The following ZFYVE28 variants were observed in gnomAD, a reference collection of about 807,000 sequenced individuals.
The protein encoded by ZFYVE28 is lateral signaling target protein 2 homolog.
Under a neutral mutation model 82.1 loss-of-function variants are expected in ZFYVE28, and 40 were observed. The ratio of observed to expected loss-of-function variants is 0.49; its 90% CI spans 0.38 to 0.63. The LOEUF is 0.63. Ranked by LOEUF, ZFYVE28 falls within the 30% of genes least tolerant of loss-of-function variation. The pLI, the probability that ZFYVE28 is intolerant of heterozygous loss-of-function variation, is 0.00. For missense variants in ZFYVE28, 1,321 were observed against 1,242.1 expected, an observed-to-expected ratio of 1.06 and a Z score of -0.96; for synonymous variants, 612 against 546.1, an observed-to-expected ratio of 1.12 and a Z score of -1.68.
chr4:2,389,807 G>A (rs1729640706), intron 1 of ZFYVE28, among the ~76,000 whole-genome samples: 1 of 152,182 alleles, frequency 6.6e-6, no homozygotes, highest in Non-Finnish European at 1.5e-5. Context: ...TGGGAAGGGA[G>A]TGGCCTGCTG....
At chr4:2,357,356 C>G (rs1265925984) in intron 1 of ZFYVE28, among the ~76,000 whole-genome samples, 1 of 152,210 alleles carries the variant, frequency 6.6e-6, no homozygotes, top group Non-Finnish European at 1.5e-5. Context: ...GAGCCAAGAA[C>G]AGCACCTTCC....
At position 2,380,532 on chromosome 4, in the gene ZFYVE28, T is replaced by G. The variant is rs183445937; in HGVS notation, c.40-26459A>C. ...GCAGAAACCACCTGGTTTGAAGGAT[T>G]TGTCATTGGCATTGTCCGCTCCTTG... On this transcript the variant is annotated intron_variant, in intron 1 of 12. Coordinates refer to ENST00000290974, the MANE Select transcript of ZFYVE28 (RefSeq NM_020972.3). 2.2e-4 allele frequency among the ~76,000 whole-genome samples: 34 copies of G among 152,316 alleles called. 1 individual carries two copies. Among genetic ancestry groups the G allele is most frequent in the Admixed American group, 2.0e-3 (31 of 15,300 alleles).
intron 4 of ZFYVE28, among the ~76,000 whole-genome samples, chr4:2,338,741 T>A (rs79886636): frequency 0.011 from 1,683 of 152,344 alleles, 31 homozygotes; most frequent in African/African-American, 0.039. Context: ...CATTGGTTGA[T>A]CTCCTAGGGG....
At chr4:2,282,860 C>CT (rs1712139401) in intron 8 of ZFYVE28, among the ~76,000 whole-genome samples, 1 of 151,896 alleles carries the variant, frequency 6.6e-6, no homozygotes, top group African/African-American at 2.4e-5. Flanking sequence ...GGAGGATCCC[C>CT]TGAGCCCAGG....
chr4:2,345,557 G>C (rs1723412091), intron 2 of ZFYVE28, among the ~76,000 whole-genome samples: 1 of 151,696 alleles, frequency 6.6e-6, no homozygotes, highest in African/African-American at 2.4e-5. Flanking sequence ...TGAACTGCTG[G>C]ACAACTTCAA....
At chr4:2,279,246 A>T (rs1214569637) in intron 8 of ZFYVE28, among the ~76,000 whole-genome samples, 6 of 152,188 alleles carry the variant, frequency 3.9e-5, no homozygotes, top group African/African-American at 9.7e-5. Context: ...AGCCTGGCCA[A>T]CTTGGTGAAA....
At position 2,305,529 on chromosome 4, in the gene ZFYVE28, G is replaced by C. The variant is rs1560177082; in HGVS notation, c.811C>G (p.Leu271Val). The C allele has an allele frequency of 1.9e-6, 3 of 1,612,854 alleles. No individual in the cohort carries two copies. The highest frequency in any genetic ancestry group is 2.5e-6 in the Non-Finnish European group (3 of 1,180,026). Reference protein sequence around the residue: ...HTLLRKIRDLLQTLTEEELHT... With the variant: ...HTLLRKIRDLVQTLTEEELHT... ...AGCTCCTCCTCCGTCAGCGTCTGCAGCAAATCCCTACGAATCAAGACAAAA... is the reference window on the plus strand; with the variant it reads ...AGCTCCTCCTCCGTCAGCGTCTGCACCAAATCCCTACGAATCAAGACAAAA... Residue 271 changes from leucine (L) to valine (V), a missense_variant, in exon 8 of 13, where the codon CTG becomes GTG. Around this residue, in one of 2 missense-constraint regions of ZFYVE28, gnomAD observed 343 missense variants for 408.4 expected, o/e 0.84. Coordinates refer to ENST00000290974, the MANE Select transcript of ZFYVE28 (RefSeq NM_020972.3).
rs11939313 is a variant in ZFYVE28 at position 2,332,717 on chromosome 4, T to G, written c.701+2988A>C. On this transcript the variant is annotated intron_variant, in intron 6 of 12. Transcript: ENST00000290974. This position sits in a 1 kb window ranked among gnomAD's most constrained non-coding sequence, Gnocchi z 4.7. The stretch of plus-strand genomic sequence containing the variant: ...GTGGATGACGAGGAACAAGACGGGA[T>G]CCGCTGGTGGTGCAGGGCTGCAGGG... Among the ~76,000 whole-genome samples the G allele has an allele frequency of 0.5, 75,778 of 152,034 alleles. 20,148 individuals are homozygous for G. Among genetic ancestry groups the G allele is most frequent in the African/African-American group, 0.69 (28,761 of 41,466 alleles).
Position 2,386,908 on chromosome 4 carries a change from C to T in ZFYVE28, c.39+31377G>A, listed in dbSNP as rs573770604. Among the ~76,000 whole-genome samples, 9 of 152,364 alleles carry T rather than the reference C, an allele frequency of 5.9e-5. No individual in the cohort carries two copies. The South Asian group carries it at 1.7e-3, about 28-fold the overall frequency. Reference sequence around the variant, plus strand: ...AGCTCGCTGCCCTCAGCTCGCCTCCCGGAGCAGCCTCCTAGTCCAGTCTTG... The same window carrying T: ...AGCTCGCTGCCCTCAGCTCGCCTCCTGGAGCAGCCTCCTAGTCCAGTCTTG... On this transcript the variant is annotated intron_variant, in intron 1 of 12. Coordinates refer to ENST00000290974, the MANE Select transcript of ZFYVE28 (RefSeq NM_020972.3).
intron 1 of ZFYVE28, among the ~76,000 whole-genome samples, chr4:2,367,562 G>C (rs1378816379): frequency 6.6e-6 from 1 of 152,280 alleles, no homozygotes; most frequent in African/African-American, 2.4e-5. Flanking sequence ...GATTTGAGGT[G>C]ATTTGCTAAG....
chr4:2,274,537 C>A (rs1736223203), intron 8 of ZFYVE28, among the ~76,000 whole-genome samples: 1 of 152,074 alleles, frequency 6.6e-6, no homozygotes, highest in African/African-American at 2.4e-5. Flanking sequence ...CGACCGACTG[C>A]CCCTATGGAA....
intron 8 of ZFYVE28, among the ~76,000 whole-genome samples, chr4:2,275,902 A>T (rs1736388278): frequency 6.6e-6 from 1 of 152,168 alleles, no homozygotes. Context: ...GTCCGCCAGC[A>T]ATGGAATGGA....
In ZFYVE28 at chr4:2,372,113, T is replaced by C. The variant is rs1390044183; in HGVS notation, c.40-18040A>G. ...CCGGTTCTGGTGCGCATGGCCCATG[T>C]GGACATCTGTCAGAACTGGGGAGCG... On this transcript the variant is annotated intron_variant, in intron 1 of 12. Coordinates refer to ENST00000290974, the MANE Select transcript of ZFYVE28 (RefSeq NM_020972.3). This position sits in a 1 kb window ranked among gnomAD's most constrained non-coding sequence, Gnocchi z 5.2. 1.3e-5 allele frequency among the ~76,000 whole-genome samples: 2 copies of C among 152,336 alleles called. No homozygotes were observed. Among genetic ancestry groups the C allele is most frequent in the African/African-American group, 4.8e-5 (2 of 41,586 alleles).
At chr4:2,279,734 TCA>T (rs1443580728) in intron 8 of ZFYVE28, among the ~76,000 whole-genome samples, 23 of 149,662 alleles carry the variant, frequency 1.5e-4, no homozygotes, top group Non-Finnish European at 2.4e-4. Context: ...TGAGCCGAGA[TCA>T]TGCCACTGCA....
chr4:2,305,091 C>G lies in ZFYVE28; in HGVS notation c.1249G>C (p.Glu417Gln). The change falls in exon 8 of 13, where the codon GAG (glutamate) becomes CAG (glutamine). Residue 417 changes from glutamate (E) to glutamine (Q), a missense_variant. Transcript: ENST00000290974. ...EGTAEALARP[E>Q]SPAGPFGWAG... ...CACCCAAATGGGCCAGCTGGGGACT[C>G]GGGCCTGGCCAGGGCTTCTGCCGTC... The G allele has an allele frequency of 6.2e-7, 1 of 1,605,390 alleles. No individual in the cohort carries two copies. Among genetic ancestry groups the G allele is most frequent in the Non-Finnish European group, 8.5e-7 (1 of 1,175,580 alleles).
At chr4:2,384,769 T>C (rs2108918037) in intron 1 of ZFYVE28, among the ~76,000 whole-genome samples, 1 of 152,238 alleles carries the variant, frequency 6.6e-6, no homozygotes, top group East Asian at 1.9e-4. Flanking sequence ...TAATTCAGCA[T>C]AGGAAAAGAA....
At chr4:2,334,854 ACTTCCGCCTCCCCCC>A (rs1721397262) in intron 6 of ZFYVE28, among the ~76,000 whole-genome samples, 1 of 26,442 alleles carries the variant, frequency 3.8e-5, no homozygotes, top group African/African-American at 1.6e-4. Flanking sequence ...CCCCCTCCCC[ACTTCCGCCTCCCCCC>A]CAGCTGCAAG....
chr4:2,330,679 T>A (rs907219458), intron 6 of ZFYVE28: 10 of 1,432,296 alleles, frequency 7.0e-6, no homozygotes, highest in Non-Finnish European at 2.7e-6. Context: ...GAGGACAGCA[T>A]GGCCAAGAGG....
In ZFYVE28 at chr4:2,313,258, T is replaced by A. The variant is rs191984840; in HGVS notation, c.803+6912A>T. On this transcript the variant is annotated intron_variant, in intron 7 of 12. Transcript: ENST00000290974. ...TAAATGGTCCACATGCTTTTTTTTT[T>A]AATTAATTAATTTATTTATTTAGAT... 3.0e-3 allele frequency among the ~76,000 whole-genome samples: 457 copies of A among 152,000 alleles called. 4 individuals carry two copies. Among genetic ancestry groups the A allele is most frequent in the African/African-American group, 9.7e-3 (401 of 41,476 alleles).
Sources: gnomAD v4.1 joint callset for allele counts (sites outside exome capture counted in the v4.1 genomes callset) on GRCh38, gnomAD v4.1.1 for gene constraint, gnomAD v4.1.1 regional missense constraint, Gnocchi (gnomAD v3.1) non-coding constraint, MANE v1.5 for transcripts, NCBI Gene and HGNC (gene_info 2026-07-23, HGNC 2026-07-21) for gene names.